Variants in SCD5 observed in about 807,000 individuals in gnomAD.
The protein encoded by SCD5 is acyl-CoA-desaturase 4.
SCD5 carries 20 observed loss-of-function variants against 30.4 expected under a neutral mutation model. The ratio of observed to expected loss-of-function variants is 0.66; its 90% CI spans 0.46 to 0.96. SCD5 has a LOEUF of 0.96. Ranked by LOEUF, SCD5 falls within the 40% of genes least tolerant of loss-of-function variation. The pLI is 0.00. For synonymous variants in SCD5, 173 were observed against 176.4 expected (o/e 0.98, Z 0.16); for missense variants, 381 against 443.3 (o/e 0.86, Z 1.26).
At chr4:82,696,325 C>T (rs1049413930) in intron 2 of SCD5, among the ~76,000 whole-genome samples, 1 of 152,098 alleles carries the variant, frequency 6.6e-6, no homozygotes, top group Non-Finnish European at 1.5e-5. Flanking sequence ...AATCCCGTGA[C>T]GAGAGCGCTG....
At chr4:82,745,421 A>T (rs2148840310) in intron 1 of SCD5, among the ~76,000 whole-genome samples, 1 of 152,334 alleles carries the variant, frequency 6.6e-6, no homozygotes, top group Non-Finnish European at 1.5e-5. Context: ...ACAAGGAGAG[A>T]CATGAATGGA....
At chr4:82,756,973 C>T (rs907563970) in intron 1 of SCD5, among the ~76,000 whole-genome samples, 3 of 152,138 alleles carry the variant, frequency 2.0e-5, no homozygotes, top group Non-Finnish European at 4.4e-5. Context: ...TCAAGTAATC[C>T]TCCCACCTTG....
chr4:82,721,945 C>T (rs1386853104), intron 1 of SCD5, among the ~76,000 whole-genome samples: 4 of 152,216 alleles, frequency 2.6e-5, no homozygotes, highest in African/African-American at 9.7e-5. Context: ...ACCACTTAAC[C>T]AAGAGATGAA....
chr4:82,656,452 C>T (rs1390139703), intron 3 of SCD5, among the ~76,000 whole-genome samples: 1 of 152,110 alleles, frequency 6.6e-6, no homozygotes, highest in Non-Finnish European at 1.5e-5. Flanking sequence ...TTTATGGCTG[C>T]ATAGTATTCC....
At chr4:82,706,560 G>A (rs1719973841) in intron 1 of SCD5, among the ~76,000 whole-genome samples, 1 of 152,250 alleles carries the variant, frequency 6.6e-6, no homozygotes. Flanking sequence ...CCTGGCCCTG[G>A]CCTAGTATAC....
intron 1 of SCD5, among the ~76,000 whole-genome samples, chr4:82,730,373 T>A (rs562328085): frequency 4.4e-4 from 66 of 150,392 alleles, no homozygotes; most frequent in African/African-American, 1.6e-3. Context: ...CTTGGCTCCC[T>A]GCAACCTCCG....
intron 1 of SCD5, among the ~76,000 whole-genome samples, chr4:82,757,163 C>T (rs1721250515): frequency 6.6e-6 from 1 of 152,330 alleles, no homozygotes; most frequent in Admixed American, 6.5e-5. Context: ...CCTCTCCCAT[C>T]TCCTTTCCCG....
intron 4 of SCD5, among the ~76,000 whole-genome samples, chr4:82,635,985 G>A (rs1163633329): frequency 1.3e-5 from 2 of 152,212 alleles, no homozygotes; most frequent in African/African-American, 4.8e-5. Flanking sequence ...TGAGAGAAGA[G>A]TCAACTGCTG....
intron 1 of SCD5, among the ~76,000 whole-genome samples, chr4:82,790,546 TCCTACCTTTGGGGAGCCTCCCAATTCCC>T (rs1417665012): frequency 6.6e-6 from 1 of 151,964 alleles, no homozygotes; most frequent in Non-Finnish European, 1.5e-5. Context: ...TCCACTTGGC[TCCTACCTTTGGGGAGCCTCCCAATTCCC>T]CCTAAGCTGG....
At chr4:82,705,155 T>C in intron 2 of SCD5, 128 bp downstream of exon 2, 16 of 1,162,682 alleles carry the variant, frequency 1.4e-5, no homozygotes, top group Non-Finnish European at 1.8e-5. Flanking sequence ...TGGGACAGAC[T>C]GGGCGTGCTT....
At chr4:82,653,707 T>TAGATAGATAGATATAG (rs34976357) in intron 3 of SCD5, among the ~76,000 whole-genome samples, 11,049 of 61,084 alleles carry the variant, frequency 0.18, 474 homozygotes, top group Admixed American at 0.23. Context: ...GATAGATAGA[T>TAGATAGATAGATATAG]ATAGATAGAT....
chr4:82,690,501 C>G (rs1728809545), intron 2 of SCD5, among the ~76,000 whole-genome samples: 1 of 152,210 alleles, frequency 6.6e-6, no homozygotes, highest in Admixed American at 6.5e-5. Flanking sequence ...CACTCCATTT[C>G]TACTCTACCA....
intron 3 of SCD5, chr4:82,660,011 G>A (rs1727953149): frequency 1.3e-5 from 2 of 149,384 alleles, no homozygotes; most frequent in Admixed American, 1.3e-4. Context: ...AAAATAGCAG[G>A]GGTTGCAATC....
intron 1 of SCD5, among the ~76,000 whole-genome samples, chr4:82,725,836 G>C: frequency 6.6e-6 from 1 of 151,300 alleles, no homozygotes; most frequent in East Asian, 1.9e-4. Flanking sequence ...CTGCAGCCTG[G>C]GTGATGGGAG....
At chr4:82,694,135 G>C (rs918764867) in intron 2 of SCD5, among the ~76,000 whole-genome samples, 1 of 152,210 alleles carries the variant, frequency 6.6e-6, no homozygotes, top group African/African-American at 2.4e-5. Context: ...GTCCACCCAG[G>C]CATGTTGGGT....
chr4:82,681,012 C>G, intron 2 of SCD5, 100 bp from the exon 3 acceptor site: 1 of 935,188 alleles, frequency 1.1e-6, no homozygotes, highest in South Asian at 1.5e-5. Flanking sequence ...GTCCTCACTG[C>G]TGGTTTCACT....
intron 1 of SCD5, among the ~76,000 whole-genome samples, chr4:82,728,640 A>C (rs10007100): frequency 0.52 from 79,152 of 151,854 alleles, 21,679 homozygotes; most frequent in African/African-American, 0.68. Flanking sequence ...ACTCAGTGCA[A>C]AAGGACCATT....
chr4:82,743,118 A>T (rs2148839633), intron 1 of SCD5, among the ~76,000 whole-genome samples: 1 of 152,302 alleles, frequency 6.6e-6, no homozygotes, highest in African/African-American at 2.4e-5. Context: ...CATTAAATCA[A>T]GTTCAAAGGT....
At chr4:82,775,958 C>T (rs1721734467) in intron 1 of SCD5, 1 of 152,436 alleles carries the variant, frequency 6.6e-6, no homozygotes, top group African/African-American at 2.4e-5. Context: ...AAGTGTGAAG[C>T]TACATCACTG....
Sources: allele counts gnomAD v4.1 joint callset (sites outside exome capture counted in the v4.1 genomes callset), GRCh38; gene constraint gnomAD v4.1.1; transcripts MANE v1.5; gene names NCBI Gene and HGNC (gene_info 2026-07-23, HGNC 2026-07-21).